Variants in PPP2R3B observed in about 807,000 individuals in gnomAD.
The protein encoded by PPP2R3B is protein phosphatase 2 regulatory subunit B''beta, also known as serine/threonine-protein phosphatase 2A regulatory subunit B'' subunit beta.
PPP2R3B carries 68 observed loss-of-function variants against 72.9 expected under a neutral mutation model. The ratio of observed to expected loss-of-function variants is 0.93; its 90% CI spans 0.77 to 1.14. The LOEUF is 1.14. Among genes scored for constraint, PPP2R3B ranks in the 50% most tolerant of loss-of-function variants. The probability of loss-of-function intolerance (pLI) is 0.00; values close to 1 mark genes in which losing one functional copy is unlikely to be tolerated. For synonymous variants in PPP2R3B, 466 were observed against 375.8 expected (o/e 1.24, Z -2.78); for missense variants, 1,018 against 842.0 (o/e 1.21, Z -2.59).
chrX:334,819 C>T (rs760978086), intron 12 of PPP2R3B: 18 of 349,600 alleles, frequency 5.1e-5, no homozygotes, highest in Admixed American at 3.4e-4. Context: ...GCGAGCTGCA[C>T]GGGACCTGTG....
At chrX:367,987 G>A (rs2071759989) in intron 1 of PPP2R3B, among the ~76,000 whole-genome samples, 1 of 152,186 alleles carries the variant, frequency 6.6e-6, no homozygotes, top group Non-Finnish European at 1.5e-5. Context: ...GGTCAGTCAG[G>A]GGAAGACAGG....
At chrX:348,217 G>A (rs1241273651) in intron 2 of PPP2R3B, among the ~76,000 whole-genome samples, 1 of 152,160 alleles carries the variant, frequency 6.6e-6, no homozygotes, top group Non-Finnish European at 1.5e-5. Flanking sequence ...GGAACGCAAA[G>A]TAAATAGTAA....
At chrX:353,099 T>A (rs2071363961) in intron 2 of PPP2R3B, among the ~76,000 whole-genome samples, 3 of 151,922 alleles carry the variant, frequency 2.0e-5, no homozygotes, top group Non-Finnish European at 4.4e-5. Context: ...AGTGGCCGGG[T>A]GCGGTGGCTC....
At chrX:367,928 G>C (rs2071758079) in intron 1 of PPP2R3B, among the ~76,000 whole-genome samples, 1 of 152,228 alleles carries the variant, frequency 6.6e-6, no homozygotes, top group Non-Finnish European at 1.5e-5. Context: ...AGTGACACAA[G>C]GTGATGGACA....
intron 12 of PPP2R3B, chrX:337,994 T>G (rs1321528378): frequency 6.4e-6 from 1 of 156,518 alleles, no homozygotes; most frequent in Non-Finnish European, 1.4e-5. Context: ...TTCTTAGATA[T>G]GACACCAGAA....
intron 2 of PPP2R3B, among the ~76,000 whole-genome samples, chrX:352,252 C>T (rs1446990047): frequency 4.6e-5 from 7 of 152,206 alleles, no homozygotes; most frequent in East Asian, 1.9e-4. Context: ...AAAGTCTTTT[C>T]GTGATCGACA....
At chrX:371,960 T>C (rs2071875870) in intron 1 of PPP2R3B, among the ~76,000 whole-genome samples, 2 of 152,316 alleles carry the variant, frequency 1.3e-5, no homozygotes, top group Non-Finnish European at 1.5e-5. Flanking sequence ...ACGGAATTCA[T>C]GATTTCCCAG....
chrX:364,392 G>A (rs1178704497), intron 1 of PPP2R3B, among the ~76,000 whole-genome samples: 10 of 151,538 alleles, frequency 6.6e-5, no homozygotes, highest in East Asian at 5.8e-4. Context: ...CCCTCAAACC[G>A]GCCGGGCTCG....
rs965485196 is a variant in PPP2R3B at position 361,337 on chromosome X, G to A, written c.510+68C>T. ...CGTGTGACACGCACCCACCACGGCCGCTCCGCCTCACCCTCACATGCCCGC... is the reference window on the plus strand; with the variant it reads ...CGTGTGACACGCACCCACCACGGCCACTCCGCCTCACCCTCACATGCCCGC... On this transcript the variant is annotated intron_variant, in intron 2 of 12. Transcript: ENST00000390665. 62 of 1,573,534 alleles carry A rather than the reference G, an allele frequency of 3.9e-5. 1 individual carries two copies. The highest frequency in any genetic ancestry group is 2.4e-4 in the African/African-American group (18 of 74,102).
chrX:361,297 C>A, intron 2 of PPP2R3B, 108 bp downstream of exon 2: 1 of 1,242,646 alleles, frequency 8.0e-7, no homozygotes, highest in East Asian at 2.5e-5. Context: ...TCGGCCGTGC[C>A]GCCTCACTCA....
At chrX:341,225 G>A (rs1481235549) in intron 9 of PPP2R3B, 82 bp downstream of exon 9, 3 of 1,492,368 alleles carry the variant, frequency 2.0e-6, no homozygotes, top group Non-Finnish European at 1.9e-6. Context: ...CAGGCGTGCA[G>A]GCATCCGCCT....
chrX:368,549 C>T (rs866744697), intron 1 of PPP2R3B, among the ~76,000 whole-genome samples: 35 of 88,140 alleles, frequency 4.0e-4, no homozygotes, highest in South Asian at 2.2e-3. Context: ...CCACCCACCC[C>T]GGGCACCGAC....
In PPP2R3B at chrX:386,796, G is replaced by A. The variant is rs1470231646; in HGVS notation, c.-105C>T. ...CTCGGTGATGCGAGCACGGCCCGCT[G>A]AGGGGGCGCGGCGCAGGGAACAGGG... On this transcript the variant is annotated 5_prime_UTR_variant, in exon 1 of 13. Coordinates refer to ENST00000390665, the MANE Select transcript of PPP2R3B (RefSeq NM_013239.5). 1.9e-5 allele frequency: 12 copies of A among 648,066 alleles called. No individual in the cohort carries two copies. In the Middle Eastern group the frequency reaches 1.7e-3, roughly 92 times the overall value. 40.1% of individuals were successfully genotyped at this position (648,066 alleles called of 1,614,324 possible).
At chrX:345,756 GCTGGGAGGGTCGGGGCCGCT>G in intron 6 of PPP2R3B, 84 bp from the exon 7 acceptor site, 1 of 1,540,958 alleles carries the variant, frequency 6.5e-7, no homozygotes, top group Non-Finnish European at 8.8e-7. Flanking sequence ...GGCAGGGAAG[GCTGGGAGGGTCGGGGCCGCT>G]CCGTGGGTGG....
intron 1 of PPP2R3B, among the ~76,000 whole-genome samples, chrX:372,461 C>T (rs1186556723): frequency 1.3e-5 from 2 of 152,186 alleles, no homozygotes; most frequent in Non-Finnish European, 2.9e-5. Context: ...GGGTGTGAGG[C>T]GCCCGCCACG....
chrX:342,981 C>G (rs2071116400), intron 7 of PPP2R3B, among the ~76,000 whole-genome samples: 1 of 15,844 alleles, frequency 6.3e-5, no homozygotes, highest in African/African-American at 3.6e-4. Flanking sequence ...GGAGTGAGAC[C>G]TCGCCAACGG....
intron 1 of PPP2R3B, among the ~76,000 whole-genome samples, chrX:363,792 C>G (rs756720034): frequency 1.3e-5 from 2 of 152,108 alleles, no homozygotes; most frequent in Admixed American, 6.6e-5. Flanking sequence ...GGCTCTTCCT[C>G]CTTCATCACG....
chrX:346,562 T>G (rs772073771), intron 5 of PPP2R3B, 139 bp downstream of exon 5: 1 of 836,186 alleles, frequency 1.2e-6, no homozygotes, highest in South Asian at 1.8e-5. Flanking sequence ...GTGGAGACTC[T>G]CCCAGAGCGC....
At chrX:334,895 TCTCCC>T (rs1180349104) in intron 12 of PPP2R3B, 1 of 206,324 alleles carries the variant, frequency 4.8e-6, no homozygotes, top group Non-Finnish European at 9.6e-6. Flanking sequence ...TTAGACACAT[TCTCCC>T]AAAGCACAGA....
Sources: allele counts gnomAD v4.1 joint callset (sites outside exome capture counted in the v4.1 genomes callset), GRCh38; gene constraint gnomAD v4.1.1; transcripts MANE v1.5; gene names NCBI Gene and HGNC (gene_info 2026-07-23, HGNC 2026-07-21).